The following AGBL4 variants were observed in gnomAD, a reference collection of about 807,000 sequenced individuals.
AGBL4 encodes AGBL carboxypeptidase 4, also known as cytosolic carboxypeptidase 6.
Under a neutral mutation model 66.4 loss-of-function variants are expected in AGBL4, and 58 were observed. That is an observed-to-expected ratio of 0.87 (90% confidence interval 0.71 to 1.09). AGBL4 has a LOEUF of 1.09. Among genes scored for constraint, AGBL4 ranks in the 50% least tolerant of loss-of-function variants. The probability of loss-of-function intolerance (pLI) is 0.00; values close to 1 mark genes in which losing one functional copy is unlikely to be tolerated. For missense variants in AGBL4, 579 were observed against 631.0 expected (o/e 0.92, Z 0.88); for synonymous variants, 234 against 222.9 (o/e 1.05, Z -0.44).
intron 6 of AGBL4, chr1:48,776,513 CTCCCCCCGGTCCCCTCCGCCCG>C (rs1395876114): frequency 1.1e-6 from 1 of 936,936 alleles, no homozygotes; most frequent in Non-Finnish European, 1.5e-6. Context: ...CAAGCAGTGG[CTCCCCCCGGTCCCCTCCGCCCG>C]GGCCCCCGGC....
intron 3 of AGBL4, among the ~76,000 whole-genome samples, chr1:49,282,704 C>T (rs1481885248): frequency 1.3e-5 from 2 of 152,312 alleles, no homozygotes; most frequent in East Asian, 1.9e-4. Context: ...CATTGCCTCA[C>T]TTGGGAAGCG....
chr1:49,572,081 C>T (rs1644342727), intron 3 of AGBL4, among the ~76,000 whole-genome samples: 1 of 151,984 alleles, frequency 6.6e-6, no homozygotes, highest in South Asian at 2.1e-4. Flanking sequence ...TGACACTGGG[C>T]TTGCAGAAAG....
chr1:49,493,034 C>T (rs998884201), intron 3 of AGBL4, among the ~76,000 whole-genome samples: 2 of 151,914 alleles, frequency 1.3e-5, no homozygotes, highest in Non-Finnish European at 2.9e-5. Context: ...CCCCTTATAA[C>T]ACCATCCGAT....
chr1:49,928,698 T>C (rs1469079013), intron 1 of AGBL4, among the ~76,000 whole-genome samples: 2 of 151,982 alleles, frequency 1.3e-5, no homozygotes, highest in Admixed American at 6.6e-5. Flanking sequence ...GAAACCAGAA[T>C]AGAATTACAG....
intron 4 of AGBL4, among the ~76,000 whole-genome samples, chr1:49,244,066 T>C (rs981445610): frequency 1.3e-5 from 2 of 151,634 alleles, no homozygotes; most frequent in African/African-American, 4.8e-5. Context: ...ACATAGTTCA[T>C]GAGAAAAAAG....
At chr1:48,641,441 A>G (rs61152169) in intron 8 of AGBL4, among the ~76,000 whole-genome samples, 2,073 of 152,250 alleles carry the variant, frequency 0.014, 53 homozygotes, top group African/African-American at 0.048. Flanking sequence ...CCCTTCTTAG[A>G]TCATCATGAC....
At position 49,854,015 on chromosome 1, in the gene AGBL4, A is replaced by C. The variant is rs183987680; in HGVS notation, c.35-2497T>G. The stretch of plus-strand genomic sequence containing the variant: ...AAATTAAGAGCTCCAGAAATGATAT[A>C]AATAAAGGTAAATATAAATTTTCTT... On this transcript the variant is annotated intron_variant, in intron 1 of 13. Transcript: ENST00000371839. Among the ~76,000 whole-genome samples, 377 of 152,244 alleles carry C rather than the reference A, an allele frequency of 2.5e-3. 2 individuals carry two copies. Among genetic ancestry groups the C allele is most frequent in the Admixed American group, 6.1e-3 (94 of 15,296 alleles).
In AGBL4 at chr1:49,592,579, A is replaced by C. The variant is rs1644772439; in HGVS notation, c.282+104734T>G. ...TGAGGCTCTGTCTCAAAAAAACAAAAACATGAACAAACACTTCTGAAAAGA... is the reference window on the plus strand; with the variant it reads ...TGAGGCTCTGTCTCAAAAAAACAAACACATGAACAAACACTTCTGAAAAGA... On this transcript the variant is annotated intron_variant, in intron 3 of 13. Transcript: ENST00000371839. 3.3e-5 allele frequency among the ~76,000 whole-genome samples: 5 copies of C among 152,332 alleles called. No homozygotes were observed. In the South Asian group the frequency reaches 1.0e-3, roughly 32 times the overall value.
intron 2 of AGBL4, among the ~76,000 whole-genome samples, chr1:49,779,466 A>G (rs1004731442): frequency 3.9e-5 from 6 of 152,182 alleles, no homozygotes; most frequent in African/African-American, 1.2e-4. Context: ...AGCCCTTAAC[A>G]AAAGGTTCCT....
At chr1:49,787,802 C>T (rs1034425882) in intron 2 of AGBL4, among the ~76,000 whole-genome samples, 2 of 152,070 alleles carry the variant, frequency 1.3e-5, no homozygotes, top group Non-Finnish European at 2.9e-5. Context: ...ATTCCTCCAA[C>T]AATGAACTGT....
intron 1 of AGBL4, among the ~76,000 whole-genome samples, chr1:50,001,500 T>C (rs557954441): frequency 6.6e-4 from 87 of 131,394 alleles, no homozygotes; most frequent in Non-Finnish European, 1.1e-3. Flanking sequence ...TATATGTATG[T>C]GTGTGTGTAT....
chr1:48,709,498 AC>A (rs1646930510), intron 6 of AGBL4, among the ~76,000 whole-genome samples: 1 of 151,846 alleles, frequency 6.6e-6, no homozygotes, highest in African/African-American at 2.4e-5. Flanking sequence ...GGGCTTCCCC[AC>A]CCCCCAAATA....
At chr1:49,958,992 C>G (rs1557619890) in intron 1 of AGBL4, among the ~76,000 whole-genome samples, 1 of 150,312 alleles carries the variant, frequency 6.7e-6, no homozygotes, top group Non-Finnish European at 1.5e-5. Context: ...TTCTAACAGT[C>G]AAACATCAAA....
At chr1:49,662,469 T>A (rs895030422) in intron 3 of AGBL4, among the ~76,000 whole-genome samples, 5 of 151,968 alleles carry the variant, frequency 3.3e-5, no homozygotes, top group African/African-American at 1.2e-4. Context: ...ATTGACAGAA[T>A]TTAGGAGAAC....
At chr1:49,494,122 C>T (rs979884978) in intron 3 of AGBL4, among the ~76,000 whole-genome samples, 1 of 152,084 alleles carries the variant, frequency 6.6e-6, no homozygotes, top group Admixed American at 6.5e-5. Context: ...TTAATTTTCT[C>T]ATAACCCTTA....
chr1:48,789,652 T>G (rs1343312446), intron 6 of AGBL4, among the ~76,000 whole-genome samples: 1 of 152,156 alleles, frequency 6.6e-6, no homozygotes, highest in East Asian at 1.9e-4. Flanking sequence ...ATCCAAATCA[T>G]GTTCCCTGAT....
chr1:48,667,983 A>C lies in AGBL4; in HGVS notation c.635-4742T>G, dbSNP rs1646215224. ...AATGCTACTGGGAGGGGAATGTGGA[A>C]TGTTATAATGGGGGAAGCATTTGTT... On this transcript the variant is annotated intron_variant, in intron 6 of 13. Coordinates refer to ENST00000371839, the MANE Select transcript of AGBL4 (RefSeq NM_032785.4). Among the ~76,000 whole-genome samples the C allele has an allele frequency of 2.0e-5, 3 of 150,222 alleles. No homozygotes were observed. The South Asian group carries it at 6.5e-4, about 33-fold the overall frequency.
chr1:49,314,844 C>A (rs1054210034), intron 3 of AGBL4, among the ~76,000 whole-genome samples: 21 of 152,088 alleles, frequency 1.4e-4, no homozygotes, highest in African/African-American at 4.6e-4. Context: ...TACACTCCCA[C>A]CAACAGTGTA....
At chr1:49,291,241 C>T (rs780328842) in intron 3 of AGBL4, among the ~76,000 whole-genome samples, 5 of 152,178 alleles carry the variant, frequency 3.3e-5, no homozygotes, top group Non-Finnish European at 7.3e-5. Flanking sequence ...TTGATAAATT[C>T]ACCCATTCAT....
Sources: allele counts gnomAD v4.1 joint callset (sites outside exome capture counted in the v4.1 genomes callset), GRCh38; gene constraint gnomAD v4.1.1; transcripts MANE v1.5; gene names NCBI Gene and HGNC (gene_info 2026-07-23, HGNC 2026-07-21).